The following MICAL2 variants were observed in gnomAD, a reference collection of about 807,000 sequenced individuals.
MICAL2 encodes [F-actin]-monooxygenase MICAL2.
A neutral mutation model predicts 127.3 loss-of-function variants in MICAL2; 77 were observed. The observed-to-expected ratio is 0.60, with a 90% CI of 0.50 to 0.73. MICAL2 has a LOEUF of 0.73. MICAL2 is among the 30% of genes least tolerant of loss of function. The pLI, the probability that MICAL2 is intolerant of heterozygous loss-of-function variation, is 0.00. For synonymous variants in MICAL2, 570 were observed against 551.1 expected, an observed-to-expected ratio of 1.03 and a Z score of -0.48; for missense variants, 1,351 against 1,434.4, an observed-to-expected ratio of 0.94 and a Z score of 0.94.
At chr11:12,293,524 T>G, downstream of MICAL2, 1 of 1,533,378 alleles carries the variant, frequency 6.5e-7, no homozygotes, top group Non-Finnish European at 8.8e-7. Flanking sequence ...ATGATGAAAA[T>G]TTTTAAATAA....
intron 1 of MICAL2, among the ~76,000 whole-genome samples, chr11:12,137,479 A>C (rs1321192616): frequency 6.6e-6 from 1 of 152,206 alleles, no homozygotes; most frequent in African/African-American, 2.4e-5. Context: ...GTCTCCACCC[A>C]TGACAGTACA....
intron 3 of MICAL2, among the ~76,000 whole-genome samples, chr11:12,162,877 C>G (rs1389054687): frequency 6.6e-6 from 1 of 152,210 alleles, no homozygotes; most frequent in African/African-American, 2.4e-5. Flanking sequence ...CTTAGTCCAT[C>G]TGATTCTAGG....
At chr11:12,259,633 C>A (rs772170656) in intron 25 of MICAL2, 162 bp from the exon 26 acceptor site, 4 of 578,726 alleles carry the variant, frequency 6.9e-6, no homozygotes, top group African/African-American at 1.9e-5. Context: ...TAGAAAAGTG[C>A]CCGTGTTCAG....
At chr11:12,338,065 C>G (rs1421638365) in intron 32 of MICAL2, among the ~76,000 whole-genome samples, 2 of 152,082 alleles carry the variant, frequency 1.3e-5, no homozygotes, top group East Asian at 3.9e-4. Flanking sequence ...GTTAAAGTCT[C>G]CCATTATTAT....
intron 1 of MICAL2, among the ~76,000 whole-genome samples, chr11:12,130,545 A>C (rs1265146536): frequency 2.0e-5 from 3 of 152,234 alleles, no homozygotes; most frequent in African/African-American, 7.2e-5. Context: ...AAGCAGAAGA[A>C]TCTCCTGTTT....
upstream of MICAL2, among the ~76,000 whole-genome samples, chr11:12,273,735 TGGC>T (rs1339420044): frequency 1.3e-5 from 2 of 152,226 alleles, no homozygotes; most frequent in East Asian, 3.9e-4. Context: ...GTTTAAGGGT[TGGC>T]TGGAATACTG....
At chr11:12,217,641 G>C (rs981704515) in intron 8 of MICAL2, among the ~76,000 whole-genome samples, 3 of 152,110 alleles carry the variant, frequency 2.0e-5, no homozygotes, top group Non-Finnish European at 4.4e-5. Context: ...AGCTTGATGG[G>C]TTTTGTGTTT....
intron 2 of MICAL2, among the ~76,000 whole-genome samples, chr11:12,141,011 C>G (rs1171290533): frequency 6.6e-6 from 1 of 152,172 alleles, no homozygotes; most frequent in African/African-American, 2.4e-5. Context: ...GTGGCAAGGG[C>G]TGGAGAAACA....
intron 26 of MICAL2, chr11:12,261,147 G>A: frequency 1.0e-6 from 1 of 985,550 alleles, no homozygotes; most frequent in Non-Finnish European, 1.2e-6. Context: ...GAGGGGGTTT[G>A]TTAGCACATC....
intron 3 of MICAL2, among the ~76,000 whole-genome samples, chr11:12,171,668 A>T (rs1856269255): frequency 6.6e-6 from 1 of 152,306 alleles, no homozygotes; most frequent in African/African-American, 2.4e-5. Context: ...GGTAATTGAG[A>T]TGCTGACCAG....
intron 7 of MICAL2, among the ~76,000 whole-genome samples, chr11:12,215,920 G>A (rs1856090236): frequency 6.6e-6 from 1 of 152,172 alleles, no homozygotes; most frequent in Non-Finnish European, 1.5e-5. Flanking sequence ...GCCATGGCCG[G>A]CACTTGGCTT....
In MICAL2 at chr11:12,166,965, A is replaced by C. The variant is rs575759215; in HGVS notation, c.264+4546A>C. On this transcript the variant is annotated intron_variant, in intron 3 of 27. Coordinates refer to ENST00000683283, the MANE Select transcript of MICAL2 (RefSeq NM_001282663.2). Reference sequence around the variant, plus strand: ...GGAGGAGTGTGTGGGGTGCGGGGAAAGGGTGAAAGCCGGAGAGAACAGAGT... The same window carrying C: ...GGAGGAGTGTGTGGGGTGCGGGGAACGGGTGAAAGCCGGAGAGAACAGAGT... Among the ~76,000 whole-genome samples the C allele has an allele frequency of 1.4e-3, 218 of 152,206 alleles. 1 individual carries two copies. Among genetic ancestry groups the C allele is most frequent in the South Asian group, 6.2e-3 (30 of 4,826 alleles).
chr11:12,118,740 A>G (rs1850256219), intron 1 of MICAL2, among the ~76,000 whole-genome samples: 2 of 152,250 alleles, frequency 1.3e-5, no homozygotes, highest in Non-Finnish European at 2.9e-5. Flanking sequence ...AATGAATCCT[A>G]GTATTTTAGT....
intron 32 of MICAL2, among the ~76,000 whole-genome samples, chr11:12,329,440 C>G (rs1429694899): frequency 6.6e-6 from 1 of 152,168 alleles, no homozygotes; most frequent in Non-Finnish European, 1.5e-5. Flanking sequence ...GGGCGTGCTT[C>G]AGTTTGCCGC....
chr11:12,220,296 C>G lies in MICAL2; in HGVS notation c.1044C>G (p.Asn348Lys). 1 of 1,614,264 alleles carries G rather than the reference C, an allele frequency of 6.2e-7. No homozygotes were observed. Among genetic ancestry groups the G allele is most frequent in the Non-Finnish European group, 8.5e-7 (1 of 1,180,052 alleles). Residue 348 changes from asparagine to lysine, a missense_variant, in exon 9 of 28, where the codon AAC becomes AAG. This residue lies in a region of MICAL2 where 599 missense variants were observed against 714.9 expected (regional missense o/e 0.84). Transcript: ENST00000683283. ...YAREAADFAT[N>K]YQLPSLDFAM... ...GGGAAGCTGCAGACTTTGCCACCAACTACCAGCTGCCATCCTTAGACTTTG... is the reference window on the plus strand; with the variant it reads ...GGGAAGCTGCAGACTTTGCCACCAAGTACCAGCTGCCATCCTTAGACTTTG...
chr11:12,282,430 C>G lies in MICAL2; in HGVS notation c.254+1331C>G, dbSNP rs115351677. On this transcript the variant is annotated intron_variant, in intron 2 of 2. Coordinates refer to the MICAL2 transcript ENST00000529028. Reference sequence around the variant, plus strand: ...TTGGCCTGCCTTTCATCCCTTCCCTCCATTTCCCCTCCAATTGCCAGACGG... The same window carrying G: ...TTGGCCTGCCTTTCATCCCTTCCCTGCATTTCCCCTCCAATTGCCAGACGG... Among the ~76,000 whole-genome samples, 751 of 152,248 alleles carry G rather than the reference C, an allele frequency of 4.9e-3. 2 individuals carry two copies. Among genetic ancestry groups the G allele is most frequent in the African/African-American group, 0.017 (717 of 41,530 alleles).
chr11:12,311,931 A>T (rs1010218694), intron 29 of MICAL2, among the ~76,000 whole-genome samples: 1 of 151,800 alleles, frequency 6.6e-6, no homozygotes, highest in Non-Finnish European at 1.5e-5. Context: ...AACTAATCAC[A>T]TTTTCTATTT....
At chr11:12,337,957 G>A (rs1938795754) in intron 32 of MICAL2, among the ~76,000 whole-genome samples, 3 of 152,114 alleles carry the variant, frequency 2.0e-5, no homozygotes, top group African/African-American at 7.2e-5. Context: ...AGTTCTGTAG[G>A]TGTCTAGTAG....
At chr11:12,269,911 G>A (rs1159009139) in intron 24 of MICAL2, among the ~76,000 whole-genome samples, 1 of 152,210 alleles carries the variant, frequency 6.6e-6, no homozygotes, top group Non-Finnish European at 1.5e-5. Flanking sequence ...GGGCAGAGGA[G>A]CCAGAGGCCG....
Sources: gnomAD v4.1 joint callset for allele counts (sites outside exome capture counted in the v4.1 genomes callset) on GRCh38, gnomAD v4.1.1 for gene constraint, gnomAD v4.1.1 regional missense constraint, MANE v1.5 for transcripts, NCBI Gene and HGNC (gene_info 2026-07-23, HGNC 2026-07-21) for gene names.